Variants in NAA11 observed in about 807,000 individuals in gnomAD.
The protein encoded by NAA11 is N-alpha-acetyltransferase 11.
NAA11 carries 15 observed loss-of-function variants against 16.1 expected under a neutral mutation model. That is an observed-to-expected ratio of 0.93 (90% CI 0.62 to 1.44). The LOEUF (loss-of-function observed/expected upper bound fraction) is 1.44. Among genes scored for constraint, NAA11 ranks in the 40% most tolerant of loss-of-function variants. The pLI is 0.00. For missense variants in NAA11, 298 were observed against 291.3 expected, an observed-to-expected ratio of 1.02 and a Z score of -0.17; for synonymous variants, 122 against 112.4, an observed-to-expected ratio of 1.09 and a Z score of -0.54.
the NAA11 span, among the ~76,000 whole-genome samples, chr4:79,201,489 C>T: frequency 3.3e-5 from 5 of 151,656 alleles, no homozygotes; most frequent in Non-Finnish European, 7.4e-5. Flanking sequence ...TTTATGAATC[C>T]GATCTTTGCC....
the NAA11 span, among the ~76,000 whole-genome samples, chr4:79,158,213 A>G: frequency 6.6e-6 from 1 of 151,986 alleles, no homozygotes; most frequent in Non-Finnish European, 1.5e-5. Flanking sequence ...TGATGATAAG[A>G]TCTTATGCCT....
At chr4:79,192,632 G>A in the NAA11 span, among the ~76,000 whole-genome samples, 18,047 of 151,928 alleles carry the variant, frequency 0.12, 1,304 homozygotes, top group African/African-American at 0.19. Context: ...TATCATTGTT[G>A]GGCATTTAGG....
intron 2 of NAA11, among the ~76,000 whole-genome samples, chr4:79,278,360 T>A (rs183946234): frequency 6.6e-6 from 1 of 152,244 alleles, no homozygotes; most frequent in East Asian, 1.9e-4. Flanking sequence ...AAGAAGAAAG[T>A]ACAAGTTTTC....
At chr4:79,175,558 C>T in the NAA11 span, among the ~76,000 whole-genome samples, 2 of 151,948 alleles carry the variant, frequency 1.3e-5, no homozygotes, top group African/African-American at 2.4e-5. Flanking sequence ...ATGATATTCT[C>T]GTTATTCTTG....
At chr4:79,194,531 G>T in the NAA11 span, among the ~76,000 whole-genome samples, 1 of 151,982 alleles carries the variant, frequency 6.6e-6, no homozygotes, top group South Asian at 2.1e-4. Context: ...GTGAGAAATT[G>T]GGCATAGGAA....
At chr4:79,169,588 C>T in the NAA11 span, among the ~76,000 whole-genome samples, 3 of 2,716 alleles carry the variant, frequency 1.1e-3, no homozygotes, top group Non-Finnish European at 7.1e-3. Flanking sequence ...GTCTTCATAC[C>T]TTATACAAAA....
At chr4:79,174,555 A>G in the NAA11 span, among the ~76,000 whole-genome samples, 3 of 152,228 alleles carry the variant, frequency 2.0e-5, no homozygotes, top group Admixed American at 1.3e-4. Flanking sequence ...TCAAGTCACA[A>G]TGGAAATATT....
chr4:79,229,344 C>G (rs1721403849), intron 2 of NAA11, among the ~76,000 whole-genome samples: 1 of 151,802 alleles, frequency 6.6e-6, no homozygotes, highest in Non-Finnish European at 1.5e-5. Flanking sequence ...TACCTCTGCT[C>G]TTTTGTCAAA....
At chr4:79,250,174 C>T (rs908056522) in intron 2 of NAA11, among the ~76,000 whole-genome samples, 1 of 152,280 alleles carries the variant, frequency 6.6e-6, no homozygotes, top group Non-Finnish European at 1.5e-5. Flanking sequence ...AGGCAGAGAG[C>T]TGTGTAGATT....
At chr4:79,297,104 C>T (rs1284873937) in intron 1 of NAA11, among the ~76,000 whole-genome samples, 5 of 152,194 alleles carry the variant, frequency 3.3e-5, no homozygotes, top group African/African-American at 9.6e-5. Context: ...TCCAGAGCCT[C>T]TGCTGCTCTG....
At chr4:79,160,667 T>G in the NAA11 span, among the ~76,000 whole-genome samples, 1 of 152,224 alleles carries the variant, frequency 6.6e-6, no homozygotes, top group South Asian at 2.1e-4. Context: ...TGGAGAAATT[T>G]TTATTTAAAT....
At chr4:79,161,198 C>T in the NAA11 span, among the ~76,000 whole-genome samples, 1 of 152,186 alleles carries the variant, frequency 6.6e-6, no homozygotes, top group Non-Finnish European at 1.5e-5. Flanking sequence ...CTTTCCCATT[C>T]CCATTCTTTC....
chr4:79,162,593 G>A, the NAA11 span, among the ~76,000 whole-genome samples: 2 of 152,178 alleles, frequency 1.3e-5, no homozygotes, highest in Non-Finnish European at 1.5e-5. Context: ...AATATCCCAT[G>A]ATTATAACTA....
At chr4:79,315,065 G>A (rs1723887544), downstream of NAA11, among the ~76,000 whole-genome samples, 1 of 151,884 alleles carries the variant, frequency 6.6e-6, no homozygotes, top group East Asian at 1.9e-4. Flanking sequence ...CAGGTGTTTT[G>A]GACCCCAGTC....
intron 2 of NAA11, among the ~76,000 whole-genome samples, chr4:79,266,363 A>G (rs775444672): frequency 1.7e-4 from 26 of 152,200 alleles, no homozygotes; most frequent in Admixed American, 1.6e-3. Flanking sequence ...AAAACAACAA[A>G]TCACATAGAA....
At chr4:79,320,606 A>C (rs967515913) in intron 1 of NAA11, among the ~76,000 whole-genome samples, 1 of 152,204 alleles carries the variant, frequency 6.6e-6, no homozygotes, top group Admixed American at 6.5e-5. Flanking sequence ...AATGAAACAC[A>C]TCATTAACAG....
chr4:79,164,187 GTC>G, the NAA11 span, among the ~76,000 whole-genome samples: 11 of 152,114 alleles, frequency 7.2e-5, no homozygotes, highest in African/African-American at 2.2e-4. Flanking sequence ...TGATGAAACA[GTC>G]TGCCCACTGC....
At chr4:79,281,753 G>T (rs868602956) in intron 2 of NAA11, among the ~76,000 whole-genome samples, 1 of 152,086 alleles carries the variant, frequency 6.6e-6, no homozygotes, top group African/African-American at 2.4e-5. Flanking sequence ...AGCCTATCAG[G>T]CTGTCCAAGG....
At chr4:79,250,326 C>A (rs185478302) in intron 2 of NAA11, among the ~76,000 whole-genome samples, 6 of 152,246 alleles carry the variant, frequency 3.9e-5, no homozygotes, top group African/African-American at 1.2e-4. Context: ...GTTCAGCGGG[C>A]CCCGCTCCCA....
Sources: allele counts gnomAD v4.1 joint callset (sites outside exome capture counted in the v4.1 genomes callset), GRCh38; gene constraint gnomAD v4.1.1; transcripts MANE v1.5; gene names NCBI Gene and HGNC (gene_info 2026-07-23, HGNC 2026-07-21).